Variants in SPECC1 observed in about 807,000 individuals in gnomAD.
SPECC1 encodes the protein cytospin-B.
In SPECC1, 62 loss-of-function variants were observed where a neutral mutation model predicts 104.1. The observed-to-expected ratio is 0.60, with a 90% CI of 0.49 to 0.74. SPECC1 has a LOEUF of 0.74. SPECC1 is among the 30% of genes least tolerant of loss of function. The pLI is 0.00. For synonymous variants in SPECC1, 513 were observed against 501.6 expected, an observed-to-expected ratio of 1.02 and a Z score of -0.30; for missense variants, 1,306 against 1,310.5, an observed-to-expected ratio of 1.00 and a Z score of 0.05.
intron 1 of SPECC1, among the ~76,000 whole-genome samples, chr17:20,034,167 G>C (rs1490962576): frequency 6.6e-6 from 1 of 151,116 alleles, no homozygotes; most frequent in South Asian, 2.1e-4. Flanking sequence ...GCACAATCTC[G>C]GCTCACTGCA....
intron 1 of SPECC1, among the ~76,000 whole-genome samples, chr17:20,033,418 T>A (rs940968153): frequency 3.3e-5 from 5 of 152,184 alleles, no homozygotes; most frequent in African/African-American, 1.2e-4. Context: ...CCTGTCTTGG[T>A]TCATTTGTCT....
intron 1 of SPECC1, among the ~76,000 whole-genome samples, chr17:20,092,640 G>C (rs527885562): frequency 6.6e-6 from 1 of 152,306 alleles, no homozygotes; most frequent in South Asian, 2.1e-4. Context: ...GTGCTGCTGA[G>C]TCAGAAGGCA....
intron 1 of SPECC1, among the ~76,000 whole-genome samples, chr17:20,051,076 CTTTCTTTCTTT>C (rs2045734506): frequency 5.3e-5 from 3 of 57,120 alleles, no homozygotes; most frequent in African/African-American, 2.2e-4. Context: ...CTTTTTCTTT[CTTTCTTTCTTT>C]CTTTCTTTCT....
At chr17:20,054,531 A>C (rs2045888160) in intron 1 of SPECC1, among the ~76,000 whole-genome samples, 1 of 152,308 alleles carries the variant, frequency 6.6e-6, no homozygotes, top group Admixed American at 6.5e-5. Flanking sequence ...TGCTGTGATC[A>C]CATCACTGTC....
At chr17:20,221,977 A>G (rs1340190248) in intron 4 of SPECC1, among the ~76,000 whole-genome samples, 7 of 144,672 alleles carry the variant, frequency 4.8e-5, no homozygotes. Context: ...TTCTAGTTTT[A>G]TTCCATGGTG....
chr17:20,185,099 A>G (rs1467820624), intron 3 of SPECC1: 2 of 152,266 alleles, frequency 1.3e-5, no homozygotes, highest in Non-Finnish European at 2.9e-5. Context: ...CAGTTTGGGA[A>G]ATAGAGACAC....
intron 13 of SPECC1, among the ~76,000 whole-genome samples, chr17:20,301,311 A>G (rs889320086): frequency 6.6e-6 from 1 of 152,064 alleles, no homozygotes; most frequent in African/African-American, 2.4e-5. Flanking sequence ...GAGCAAGTGG[A>G]TGTGAATACA....
At chr17:20,124,716 G>C (rs939779821) in intron 3 of SPECC1, among the ~76,000 whole-genome samples, 1 of 151,996 alleles carries the variant, frequency 6.6e-6, no homozygotes, top group East Asian at 1.9e-4. Flanking sequence ...TTAACCTTCC[G>C]AACATCATAG....
intron 3 of SPECC1, among the ~76,000 whole-genome samples, chr17:20,194,225 C>G (rs535427802): frequency 6.6e-6 from 1 of 152,010 alleles, no homozygotes; most frequent in East Asian, 1.9e-4. Flanking sequence ...GGGTTTGTAC[C>G]CTCAAATACC....
intron 3 of SPECC1, among the ~76,000 whole-genome samples, chr17:20,170,663 T>C (rs2034019469): frequency 6.6e-6 from 1 of 152,196 alleles, no homozygotes; most frequent in Admixed American, 6.5e-5. Context: ...ACCAATATCA[T>C]TCTTTCTCTG....
At chr17:20,307,555 G>GC (rs1383868227) in intron 14 of SPECC1, among the ~76,000 whole-genome samples, 3 of 152,208 alleles carry the variant, frequency 2.0e-5, no homozygotes, top group African/African-American at 7.2e-5. Flanking sequence ...GTCCCCAGCT[G>GC]CAAGGGCATT....
At chr17:20,041,620 CT>C (rs35255510) in intron 1 of SPECC1, among the ~76,000 whole-genome samples, 1,639 of 51,122 alleles carry the variant, frequency 0.032, no homozygotes, top group Non-Finnish European at 0.053. Context: ...TTTGTTGAGG[CT>C]TTTTTTTTTT....
At chr17:20,248,909 A>G (rs769083954) in intron 9 of SPECC1, among the ~76,000 whole-genome samples, 1 of 152,116 alleles carries the variant, frequency 6.6e-6, no homozygotes, top group Non-Finnish European at 1.5e-5. Flanking sequence ...TAGCTATTAG[A>G]TGATTAAAAT....
intron 3 of SPECC1, among the ~76,000 whole-genome samples, chr17:20,129,758 T>G (rs2049513542): frequency 6.6e-6 from 1 of 152,092 alleles, no homozygotes; most frequent in Non-Finnish European, 1.5e-5. Flanking sequence ...TTTGTTTGTT[T>G]GTTTGGTTGT....
chr17:20,192,676 A>G (rs2035751715), intron 3 of SPECC1, among the ~76,000 whole-genome samples: 1 of 152,030 alleles, frequency 6.6e-6, no homozygotes, highest in African/African-American at 2.4e-5. Context: ...TTTCATCTGT[A>G]CTTTACCTTT....
chr17:20,237,995 GC>G (rs2151506321), intron 7 of SPECC1: 1 of 1,008,734 alleles, frequency 9.9e-7, no homozygotes, highest in African/African-American at 1.7e-5. Flanking sequence ...GGCCGCCTCA[GC>G]CTCCCAAAGT....
At chr17:20,044,902 G>T (rs2045477256) in intron 1 of SPECC1, among the ~76,000 whole-genome samples, 1 of 152,184 alleles carries the variant, frequency 6.6e-6, no homozygotes, top group South Asian at 2.1e-4. Flanking sequence ...ATCAAGTAAA[G>T]GGTGTGCTCA....
At chr17:20,120,128 C>T (rs1313638544) in intron 3 of SPECC1, among the ~76,000 whole-genome samples, 2 of 152,198 alleles carry the variant, frequency 1.3e-5, no homozygotes, top group Admixed American at 6.5e-5. Flanking sequence ...TGGCTTATGC[C>T]TGTAATCCCA....
chr17:20,072,421 G>T (rs928731112), intron 1 of SPECC1, among the ~76,000 whole-genome samples: 3 of 152,230 alleles, frequency 2.0e-5, no homozygotes, highest in Admixed American at 1.3e-4. Flanking sequence ...GCCACATGGG[G>T]AGTCACCCAG....
Sources: gnomAD v4.1 joint callset for allele counts (sites outside exome capture counted in the v4.1 genomes callset) on GRCh38, gnomAD v4.1.1 for gene constraint, MANE v1.5 for transcripts, NCBI Gene and HGNC (gene_info 2026-07-23, HGNC 2026-07-21) for gene names.